Variants in EXOC4 observed in about 807,000 individuals in gnomAD.
The protein encoded by EXOC4 is exocyst complex component 4.
EXOC4 carries 71 observed loss-of-function variants against 107.2 expected under a neutral mutation model. That is an observed-to-expected ratio of 0.66 (90% confidence interval 0.55 to 0.81). The LOEUF is 0.81. EXOC4 is among the 30% of genes least tolerant of loss of function. The probability of loss-of-function intolerance (pLI) is 0.00; values close to 1 mark genes in which losing one functional copy is unlikely to be tolerated. For synonymous variants in EXOC4, 456 were observed against 441.2 expected (o/e 1.03, Z -0.42); for missense variants, 1,108 against 1,189.6 (o/e 0.93, Z 1.01).
At chr7:133,431,384 T>G (rs1372586909) in intron 7 of EXOC4, among the ~76,000 whole-genome samples, 2 of 152,232 alleles carry the variant, frequency 1.3e-5, no homozygotes, top group Non-Finnish European at 2.9e-5. Context: ...AAATTACAGT[T>G]GCCTATCAAT....
At chr7:133,568,869 A>C (rs1260509491) in intron 9 of EXOC4, among the ~76,000 whole-genome samples, 2 of 152,172 alleles carry the variant, frequency 1.3e-5, no homozygotes, top group Non-Finnish European at 2.9e-5. Flanking sequence ...AGTTTTATGA[A>C]ACTGAAGGAT....
At chr7:133,932,115 C>T (rs1380286171) in intron 13 of EXOC4, among the ~76,000 whole-genome samples, 2 of 152,218 alleles carry the variant, frequency 1.3e-5, no homozygotes, top group Admixed American at 6.5e-5. Context: ...TTTTCTCTCT[C>T]CAGTTCTGAA....
At chr7:133,993,441 G>T (rs565424922) in intron 14 of EXOC4, among the ~76,000 whole-genome samples, 1 of 152,230 alleles carries the variant, frequency 6.6e-6, no homozygotes, top group South Asian at 2.1e-4. Flanking sequence ...TCTACCAGGA[G>T]AAAATGAAGG....
intron 3 of EXOC4, among the ~76,000 whole-genome samples, chr7:133,299,161 A>G (rs181333939): frequency 1.3e-4 from 20 of 152,222 alleles, no homozygotes; most frequent in Admixed American, 1.0e-3. Context: ...ATGTTTTTCA[A>G]GTTTTCTTGG....
intron 9 of EXOC4, among the ~76,000 whole-genome samples, chr7:133,574,272 TATG>T (rs1442690319): frequency 6.6e-6 from 1 of 152,182 alleles, no homozygotes; most frequent in East Asian, 1.9e-4. Context: ...TATAATTATA[TATG>T]ATTTATATAA....
intron 9 of EXOC4, among the ~76,000 whole-genome samples, chr7:133,602,515 T>C (rs563669589): frequency 1.1e-4 from 16 of 152,310 alleles, no homozygotes; most frequent in African/African-American, 3.6e-4. Context: ...TGATTTCACA[T>C]TGAAATGCGA....
At chr7:133,929,858 CCTTCT>C (rs1374906280) in intron 13 of EXOC4, among the ~76,000 whole-genome samples, 1 of 152,126 alleles carries the variant, frequency 6.6e-6, no homozygotes, top group African/African-American at 2.4e-5. Flanking sequence ...ATTCCTCATC[CCTTCT>C]CTTCTCTATT....
chr7:133,945,731 A>G (rs767572262), intron 14 of EXOC4, among the ~76,000 whole-genome samples: 4 of 152,194 alleles, frequency 2.6e-5, no homozygotes, highest in Non-Finnish European at 4.4e-5. Context: ...GCAATATTCC[A>G]GCATGTTTTT....
At chr7:134,009,382 T>G (rs574755220) in intron 17 of EXOC4, among the ~76,000 whole-genome samples, 1 of 152,326 alleles carries the variant, frequency 6.6e-6, no homozygotes, top group East Asian at 1.9e-4. Context: ...CCATATATGT[T>G]CATTTTTAAC....
At chr7:133,410,294 A>T (rs1294309973) in intron 7 of EXOC4, among the ~76,000 whole-genome samples, 1 of 152,168 alleles carries the variant, frequency 6.6e-6, no homozygotes, top group Non-Finnish European at 1.5e-5. Flanking sequence ...AAAGCATTAT[A>T]TTAGGGAAAA....
chr7:133,976,432 G>A (rs1042238540), intron 14 of EXOC4, among the ~76,000 whole-genome samples: 5 of 152,208 alleles, frequency 3.3e-5, no homozygotes, highest in Admixed American at 3.3e-4. Context: ...TGCTGAATTT[G>A]AGAAATTGTG....
chr7:133,817,390 T>G lies in EXOC4; in HGVS notation c.1580T>G (p.Phe527Cys). 6.2e-7 allele frequency: 1 copy of G among 1,614,176 alleles called. No homozygotes were observed. The highest frequency in any genetic ancestry group is 8.5e-7 in the Non-Finnish European group (1 of 1,180,012). The part of the protein sequence containing the change: ...GPAKQCPLRE[F>C]LTVYIKNIFL... ...GCCAAACAGTGTCCTCTTCGAGAGT[T>G]TCTCACCGTGTACATCAAAAACATC... Residue 527 changes from phenylalanine to cysteine, a missense_variant, in exon 11 of 18, where the codon TTT becomes TGT. Phe to Cys is a radical substitution (Grantham distance 205). Transcript: ENST00000253861.
rs1223270390 is a variant in EXOC4 at position 133,946,894 on chromosome 7, C to T, written c.2206+8825C>T. Among the ~76,000 whole-genome samples, 8 of 152,206 alleles carry T rather than the reference C, an allele frequency of 5.3e-5. No homozygotes were observed. The South Asian group carries it at 1.0e-3, about 20-fold the overall frequency. Reference sequence around the variant, plus strand: ...TTTTCCCTTTCCTGTCATTGAGTGTCCTCCCTTGGCTCCCCAATCATGGTT... The same window carrying T: ...TTTTCCCTTTCCTGTCATTGAGTGTTCTCCCTTGGCTCCCCAATCATGGTT... On this transcript the variant is annotated intron_variant, in intron 14 of 17. Coordinates refer to ENST00000253861, the MANE Select transcript of EXOC4 (RefSeq NM_021807.4).
At chr7:134,015,807 G>A (rs1307750753) in intron 17 of EXOC4, among the ~76,000 whole-genome samples, 3 of 151,566 alleles carry the variant, frequency 2.0e-5, no homozygotes, top group African/African-American at 4.9e-5. Flanking sequence ...CCTGGGAAGC[G>A]GAGGTTGGAG....
intron 12 of EXOC4, among the ~76,000 whole-genome samples, chr7:133,909,866 T>G (rs997392595): frequency 6.6e-6 from 1 of 151,932 alleles, no homozygotes; most frequent in East Asian, 1.9e-4. Flanking sequence ...ACACAGACTA[T>G]ATTTAAATTT....
At chr7:134,058,752 CAGTT>C (rs562568092) in intron 17 of EXOC4, among the ~76,000 whole-genome samples, 345 of 152,226 alleles carry the variant, frequency 2.3e-3, no homozygotes, top group African/African-American at 7.3e-3. Flanking sequence ...ATATTCTTTT[CAGTT>C]AGTTCTTTTG....
intron 7 of EXOC4, among the ~76,000 whole-genome samples, chr7:133,423,388 C>T (rs979853033): frequency 6.6e-6 from 1 of 152,138 alleles, no homozygotes; most frequent in Non-Finnish European, 1.5e-5. Context: ...TATTCTGTGT[C>T]GTCTTTTGTC....
chr7:134,043,027 T>TAAGA (rs1238932351), intron 17 of EXOC4, among the ~76,000 whole-genome samples: 1 of 152,154 alleles, frequency 6.6e-6, no homozygotes, highest in African/African-American at 2.4e-5. Context: ...GGTGACAGAT[T>TAAGA]AAGACTCCGT....
At chr7:133,396,455 A>C (rs1048122115) in intron 7 of EXOC4, 1 of 152,208 alleles carries the variant, frequency 6.6e-6, no homozygotes, top group African/African-American at 2.4e-5. Context: ...TCTGGTTTCA[A>C]AATTTATTTT....
Sources: gnomAD v4.1 joint callset for allele counts (sites outside exome capture counted in the v4.1 genomes callset) on GRCh38, gnomAD v4.1.1 for gene constraint, MANE v1.5 for transcripts, NCBI Gene and HGNC (gene_info 2026-07-23, HGNC 2026-07-21) for gene names.